The following CPE variants were observed in gnomAD, a reference collection of about 807,000 sequenced individuals.
CPE encodes the protein carboxypeptidase E.
Under a neutral mutation model 53.5 loss-of-function variants are expected in CPE, and 17 were observed. The ratio of observed to expected loss-of-function variants is 0.32; its 90% CI spans 0.22 to 0.48. CPE has a LOEUF of 0.48. Among genes scored for constraint, CPE ranks in the 20% least tolerant of loss-of-function variants. The probability of loss-of-function intolerance (pLI) is 0.99; values close to 1 mark genes in which losing one functional copy is unlikely to be tolerated. For missense variants in CPE, 524 were observed against 614.7 expected (o/e 0.85, Z 1.56); for synonymous variants, 226 against 228.8 (o/e 0.99, Z 0.11).
intron 1 of CPE, among the ~76,000 whole-genome samples, chr4:165,400,062 G>A (rs1217641999): frequency 6.6e-6 from 1 of 152,224 alleles, no homozygotes; most frequent in Non-Finnish European, 1.5e-5. Context: ...ATGCTAGACT[G>A]AGGATTTAGA....
intron 1 of CPE, among the ~76,000 whole-genome samples, chr4:165,420,559 T>C (rs1483134387): frequency 1.5e-5 from 2 of 137,890 alleles, no homozygotes; most frequent in Non-Finnish European, 3.2e-5. Context: ...ATGTCTAGTT[T>C]ATTTTTTCTG....
rs114260272 is a variant in CPE, at chr4:165,454,546, G to A, written c.308-9844G>A. On this transcript the variant is annotated intron_variant, in intron 1 of 8. Transcript: ENST00000402744. The stretch of plus-strand genomic sequence containing the variant: ...TTTATCTGTGGGTTAGTAAATTGAC[G>A]TTTTTCTCCTTCATTTATCTGTGTC... Among the ~76,000 whole-genome samples the A allele has an allele frequency of 1.7e-3, 256 of 152,190 alleles. 1 individual carries two copies. Among genetic ancestry groups the A allele is most frequent in the African/African-American group, 5.7e-3 (237 of 41,506 alleles).
intron 1 of CPE, among the ~76,000 whole-genome samples, chr4:165,397,150 GT>G (rs1730780347): frequency 6.6e-6 from 1 of 152,054 alleles, no homozygotes; most frequent in Non-Finnish European, 1.5e-5. Flanking sequence ...AGAAAATAAA[GT>G]TTAAAGATGA....
chr4:165,467,689 C>T lies in CPE; in HGVS notation c.506C>T (p.Pro169Leu). Residue 169 changes from proline to leucine, a missense_variant and splice_region_variant, in exon 3 of 9, where the codon CCT becomes CTT. Pro to Leu is a moderately conservative substitution (Grantham distance 98). Transcript: ENST00000402744. ...TCTCTTTGACTTTTTTTTTTTTAGC[C>T]TGGTGAACTCAAGGACTGGTTTGTG... ...PDGFEKAASQ[P>L]GELKDWFVGR... 1.9e-6 allele frequency: 3 copies of T among 1,563,302 alleles called. No individual in the cohort carries two copies. Among genetic ancestry groups the T allele is most frequent in the Non-Finnish European group, 2.6e-6 (3 of 1,161,166 alleles).
At chr4:165,462,978 T>G (rs1426657910) in intron 1 of CPE, among the ~76,000 whole-genome samples, 1 of 152,120 alleles carries the variant, frequency 6.6e-6, no homozygotes, top group Non-Finnish European at 1.5e-5. Flanking sequence ...GAACCAGCAG[T>G]CTTAGTGATT....
chr4:165,442,226 TACAG>T (rs1560883620), intron 1 of CPE, among the ~76,000 whole-genome samples: 1 of 151,866 alleles, frequency 6.6e-6, no homozygotes, highest in African/African-American at 2.4e-5. Flanking sequence ...AATTCTTTTG[TACAG>T]ACAGAGTCTT....
intron 1 of CPE, chr4:165,405,346 C>T: frequency 2.1e-6 from 3 of 1,427,666 alleles, no homozygotes; most frequent in Non-Finnish European, 3.0e-6. Context: ...AGAGTCCCAT[C>T]AAGGCCTTTG....
chr4:165,382,633 C>A (rs1278495320), intron 1 of CPE, among the ~76,000 whole-genome samples: 1 of 152,066 alleles, frequency 6.6e-6, no homozygotes, highest in Non-Finnish European at 1.5e-5. Flanking sequence ...GAAAATACAA[C>A]AACATACCCA....
chr4:165,490,965 T>C (rs1398720751), intron 6 of CPE, among the ~76,000 whole-genome samples: 1 of 152,202 alleles, frequency 6.6e-6, no homozygotes, highest in Non-Finnish European at 1.5e-5. Flanking sequence ...ATTTGGACTT[T>C]CGTGATTTCT....
intron 1 of CPE, among the ~76,000 whole-genome samples, chr4:165,447,595 G>A (rs1032384075): frequency 1.3e-5 from 2 of 150,578 alleles, no homozygotes; most frequent in Non-Finnish European, 1.5e-5. Flanking sequence ...GAAAAGAAAA[G>A]AAAAGAAAAG....
chr4:165,430,360 CAT>C (rs907556894), intron 1 of CPE, among the ~76,000 whole-genome samples: 9 of 152,116 alleles, frequency 5.9e-5, no homozygotes, highest in Admixed American at 5.2e-4. Context: ...GACAAAATAA[CAT>C]AAAATTTTTT....
intron 1 of CPE, among the ~76,000 whole-genome samples, chr4:165,387,368 T>C (rs1246423756): frequency 1.3e-5 from 2 of 152,248 alleles, no homozygotes; most frequent in African/African-American, 4.8e-5. Context: ...ATCTCTTTAC[T>C]ATCAAATCAT....
chr4:165,379,539 T>G lies in CPE; in HGVS notation c.307+11T>G. ...GCGTCCATGAGCCTGGTAAGGGCGC[T>G]GCCCCCTGACAGCCCTGGGGGCATC... is the stretch of plus-strand genomic sequence containing the variant. On this transcript the variant is annotated intron_variant, in intron 1 of 8. Coordinates refer to ENST00000402744, the MANE Select transcript of CPE (RefSeq NM_001873.4). The surrounding 1 kb of genome is among the most constrained non-coding windows in gnomAD (Gnocchi z 6.0). 1.5e-6 allele frequency: 2 copies of G among 1,300,582 alleles called. No individual in the cohort carries two copies. Among genetic ancestry groups the G allele is most frequent in the South Asian group, 1.3e-5 (1 of 78,696 alleles). 80.6% of individuals were successfully genotyped at this position (1,300,582 alleles called of 1,614,324 possible). A position where few individuals can be genotyped will look rare whatever the true frequency, so the allele number is the denominator to read the frequency against.
chr4:165,395,589 C>T (rs1299327179), intron 1 of CPE, among the ~76,000 whole-genome samples: 1 of 152,186 alleles, frequency 6.6e-6, no homozygotes, highest in African/African-American at 2.4e-5. Flanking sequence ...GTGTGAACCA[C>T]ATTTCATCTT....
chr4:165,478,331 A>C (rs3775316), intron 3 of CPE, among the ~76,000 whole-genome samples: 115,137 of 152,054 alleles, frequency 0.76, 44,496 homozygotes, highest in African/African-American at 0.9. Flanking sequence ...ATTTAGTCAG[A>C]CTAAAAGATT....
intron 1 of CPE, among the ~76,000 whole-genome samples, chr4:165,452,113 CAGA>C (rs1006100363): frequency 2.4e-4 from 36 of 151,938 alleles, no homozygotes; most frequent in African/African-American, 7.3e-4. Context: ...GTGGATCTCA[CAGA>C]AGGAGAGGGC....
chr4:165,471,178 A>T (rs894820317), intron 3 of CPE, among the ~76,000 whole-genome samples: 1 of 152,174 alleles, frequency 6.6e-6, no homozygotes, highest in Non-Finnish European at 1.5e-5. Context: ...GCCTGCTAAG[A>T]CTTGTGTGGA....
intron 3 of CPE, among the ~76,000 whole-genome samples, chr4:165,469,104 A>C (rs928000757): frequency 6.6e-6 from 1 of 152,118 alleles, no homozygotes; most frequent in African/African-American, 2.4e-5. Context: ...TTTCAGTGTA[A>C]TTTTTTGGTA....
chr4:165,464,651 T>C, intron 2 of CPE, 65 bp downstream of exon 2: 3 of 1,364,506 alleles, frequency 2.2e-6, no homozygotes, highest in Non-Finnish European at 2.9e-6. Flanking sequence ...TACATACATG[T>C]TTATCTAAAA....
Sources: allele counts gnomAD v4.1 joint callset (sites outside exome capture counted in the v4.1 genomes callset), GRCh38; gene constraint gnomAD v4.1.1; non-coding constraint Gnocchi (gnomAD v3.1); transcripts MANE v1.5; gene names NCBI Gene and HGNC (gene_info 2026-07-23, HGNC 2026-07-21).